ADGRL2: variants seen among roughly 807,000 people sequenced by gnomAD.
ADGRL2 encodes the protein calcium-independent alpha-latrotoxin receptor 2.
In ADGRL2, 44 loss-of-function variants were observed where a neutral mutation model predicts 157.4. The ratio of observed to expected loss-of-function variants is 0.28; its 90% CI spans 0.22 to 0.36. ADGRL2 has a LOEUF of 0.36. Among genes scored for constraint, ADGRL2 ranks in the 10% least tolerant of loss-of-function variants. The probability of loss-of-function intolerance (pLI) is 1.00; values close to 1 mark genes in which losing one functional copy is unlikely to be tolerated. For synonymous variants in ADGRL2, 585 were observed against 624.7 expected, an observed-to-expected ratio of 0.94 and a Z score of 0.95; for missense variants, 1,510 against 1,768.9, an observed-to-expected ratio of 0.85 and a Z score of 2.63.
chr1:81,716,508 A>C lies in ADGRL2; in HGVS notation c.-143+16700A>C, dbSNP rs150949009. On this transcript the variant is annotated intron_variant, in intron 1 of 20. Coordinates refer to the ADGRL2 transcript ENST00000359929. ...GAAATTACATTTTATTACTGCCATAACCTTATAGACCAACAACAAACTGAG... is the reference window on the plus strand; with the variant it reads ...GAAATTACATTTTATTACTGCCATACCCTTATAGACCAACAACAAACTGAG... Among the ~76,000 whole-genome samples the C allele has an allele frequency of 3.0e-3, 462 of 152,242 alleles. 2 individuals are homozygous for C. Among genetic ancestry groups the C allele is most frequent in the African/African-American group, 0.01 (435 of 41,546 alleles).
intron 2 of ADGRL2, among the ~76,000 whole-genome samples, chr1:81,475,004 G>A (rs551231964): frequency 7.7e-4 from 117 of 152,196 alleles, no homozygotes; most frequent in African/African-American, 2.7e-3. Flanking sequence ...TGACAACTGC[G>A]CTAGGAACCC....
At chr1:81,355,332 C>T (rs909221317) in intron 1 of ADGRL2, among the ~76,000 whole-genome samples, 3 of 152,030 alleles carry the variant, frequency 2.0e-5, no homozygotes, top group African/African-American at 7.2e-5. Context: ...GCACTCCAGC[C>T]TGGGTGACAG....
At chr1:81,535,107 T>C (rs2079702460) in intron 2 of ADGRL2, among the ~76,000 whole-genome samples, 1 of 152,190 alleles carries the variant, frequency 6.6e-6, no homozygotes, top group Admixed American at 6.5e-5. Context: ...GTTTAGTACT[T>C]TAGTCCAAGT....
At chr1:81,578,453 G>C (rs906134875) in intron 2 of ADGRL2, among the ~76,000 whole-genome samples, 8 of 152,036 alleles carry the variant, frequency 5.3e-5, no homozygotes, top group African/African-American at 1.9e-4. Context: ...AACAGAGGGT[G>C]GTTGTAATAC....
chr1:81,484,700 T>C (rs1032106199), intron 2 of ADGRL2, among the ~76,000 whole-genome samples: 8 of 152,176 alleles, frequency 5.3e-5, no homozygotes, highest in Non-Finnish European at 4.4e-5. Context: ...AAGCAAGGTC[T>C]CTTAAATGGA....
intron 3 of ADGRL2, among the ~76,000 whole-genome samples, chr1:81,912,407 GGTT>G (rs1268643795): frequency 2.0e-5 from 3 of 152,042 alleles, no homozygotes; most frequent in African/African-American, 7.2e-5. Flanking sequence ...TTATATTTTT[GGTT>G]GTTATACTAT....
intron 3 of ADGRL2, among the ~76,000 whole-genome samples, chr1:81,915,262 C>A (rs2094829449): frequency 6.6e-6 from 1 of 152,008 alleles, no homozygotes; most frequent in East Asian, 1.9e-4. Context: ...AGTTTTTTTA[C>A]AGACAGGGTT....
intron 2 of ADGRL2, chr1:81,557,441 A>AAGAG (rs1386846541): frequency 9.6e-5 from 12 of 125,464 alleles, no homozygotes; most frequent in African/African-American, 2.9e-4. Flanking sequence ...AAAAGAAAGA[A>AAGAG]AGAAAGAGAG....
chr1:81,515,914 ATTGT>A (rs58715884), intron 2 of ADGRL2, among the ~76,000 whole-genome samples: 1,987 of 152,218 alleles, frequency 0.013, 37 homozygotes, highest in African/African-American at 0.045. Context: ...TATATAGTTC[ATTGT>A]TTGAGTGAAA....
chr1:81,912,067 T>TA (rs1460976995), intron 3 of ADGRL2, among the ~76,000 whole-genome samples: 1 of 149,846 alleles, frequency 6.7e-6, no homozygotes, highest in East Asian at 2.0e-4. Context: ...TCTTTTATTT[T>TA]TTTTTATTTT....
intron 2 of ADGRL2, among the ~76,000 whole-genome samples, chr1:81,456,879 TC>T (rs2101775249): frequency 6.6e-6 from 1 of 152,242 alleles, no homozygotes; most frequent in South Asian, 2.1e-4. Context: ...TCTCTTCCTC[TC>T]TTTTTCTTTT....
At position 81,943,554 on chromosome 1, in the gene ADGRL2, A is replaced by G; in HGVS notation, c.995A>G (p.Tyr332Cys). The G allele has an allele frequency of 6.2e-7, 1 of 1,613,794 alleles. No homozygotes were observed. The highest frequency in any genetic ancestry group is 8.5e-7 in the Non-Finnish European group (1 of 1,179,748). ...CGVLYVVRSV[Y>C]QDNESETGKN... ...GTCCTCTATGTGGTTAGGTCAGTTT[A>G]TCAAGACAATGAAAGTGAAACAGGC... is the stretch of plus-strand genomic sequence containing the variant. Residue 332 changes from tyrosine (Y) to cysteine (C), a missense_variant, in exon 6 of 24, where the codon TAT (tyrosine) becomes TGT (cysteine). Transcript: ENST00000686636. This position sits in a 1 kb window ranked among gnomAD's most constrained non-coding sequence, Gnocchi z 5.6.
intron 1 of ADGRL2, among the ~76,000 whole-genome samples, chr1:81,742,210 G>A (rs959179832): frequency 5.9e-5 from 9 of 151,444 alleles, no homozygotes; most frequent in Non-Finnish European, 8.9e-5. Flanking sequence ...TAGTTCGTTG[G>A]GCATAAAAGG....
chr1:81,650,129 A>G (rs2082385554), intron 3 of ADGRL2, among the ~76,000 whole-genome samples: 1 of 151,900 alleles, frequency 6.6e-6, no homozygotes, highest in Admixed American at 6.6e-5. Context: ...CAAAAGATGG[A>G]CTTGTAATAG....
At chr1:81,552,338 T>C (rs542428346) in intron 2 of ADGRL2, among the ~76,000 whole-genome samples, 3 of 152,186 alleles carry the variant, frequency 2.0e-5, no homozygotes, top group Admixed American at 6.5e-5. Context: ...AGAGATATAT[T>C]TTCATCTGGG....
intron 1 of ADGRL2, among the ~76,000 whole-genome samples, chr1:81,817,953 C>T (rs888092887): frequency 2.0e-5 from 3 of 151,848 alleles, no homozygotes; most frequent in African/African-American, 7.3e-5. Flanking sequence ...AACTTGAGGC[C>T]AGGAGTTCGA....
At chr1:81,688,328 A>G (rs528856720) in intron 3 of ADGRL2, among the ~76,000 whole-genome samples, 53 of 152,136 alleles carry the variant, frequency 3.5e-4, no homozygotes, top group African/African-American at 1.2e-3. Flanking sequence ...TTGGTCATTT[A>G]ACATAATCCC....
intron 1 of ADGRL2, among the ~76,000 whole-genome samples, chr1:81,443,014 A>G (rs1346577038): frequency 6.6e-6 from 1 of 152,236 alleles, no homozygotes; most frequent in Non-Finnish European, 1.5e-5. Context: ...AACCAAGTGT[A>G]AGAAATGCAT....
At chr1:81,617,261 G>A (rs1455679651) in intron 3 of ADGRL2, among the ~76,000 whole-genome samples, 1 of 151,832 alleles carries the variant, frequency 6.6e-6, no homozygotes, top group Non-Finnish European at 1.5e-5. Context: ...CTCGGATCTA[G>A]GTTGCACTCG....
Sources: allele counts gnomAD v4.1 joint callset (sites outside exome capture counted in the v4.1 genomes callset), GRCh38; gene constraint gnomAD v4.1.1; non-coding constraint Gnocchi (gnomAD v3.1); transcripts MANE v1.5; gene names NCBI Gene and HGNC (gene_info 2026-07-23, HGNC 2026-07-21).